The following MMP16 variants were observed in gnomAD, a reference collection of about 807,000 sequenced individuals.
MMP16 encodes the protein matrix metallopeptidase 16, also known as matrix metalloproteinase-16.
In MMP16, 12 loss-of-function variants were observed where a neutral mutation model predicts 67.8. That is an observed-to-expected ratio of 0.18 (90% confidence interval 0.11 to 0.29). The LOEUF is 0.29. MMP16 is among the 10% of genes least tolerant of loss of function. The pLI is 1.00. For missense variants in MMP16, 475 were observed against 765.7 expected (o/e 0.62, Z 4.48); for synonymous variants, 249 against 255.9 (o/e 0.97, Z 0.26).
At chr8:88,132,209 G>A (rs1174673037) in intron 4 of MMP16, among the ~76,000 whole-genome samples, 5 of 151,662 alleles carry the variant, frequency 3.3e-5, no homozygotes, top group South Asian at 2.1e-4. Flanking sequence ...GTGTATATAC[G>A]TAAGAATAAA....
chr8:88,224,907 T>C (rs1218908278), intron 1 of MMP16, among the ~76,000 whole-genome samples: 2 of 151,978 alleles, frequency 1.3e-5, no homozygotes, highest in African/African-American at 2.4e-5. Flanking sequence ...TATGTATTTT[T>C]TCCGGAATAC....
Position 88,063,380 on chromosome 8 carries a change from TG to T in MMP16, c.1223-7103del, listed in dbSNP as rs1168214690. 2.0e-5 allele frequency among the ~76,000 whole-genome samples: 3 copies of T among 151,900 alleles called. No homozygotes were observed. In the East Asian group the frequency reaches 5.8e-4, roughly 29 times the overall value. On this transcript the variant is annotated intron_variant, in intron 7 of 9. Transcript: ENST00000286614. ...GCAACACAAAAAGTTCCTGTCTTTG[TG>T]GAACAGACTAGCAGAGAAAATAGAC...
intron 1 of MMP16, among the ~76,000 whole-genome samples, chr8:88,228,535 A>T (rs578219585): frequency 1.3e-5 from 2 of 152,256 alleles, no homozygotes; most frequent in African/African-American, 4.8e-5. Context: ...ATAGGACTTG[A>T]AGTACATTTA....
At chr8:88,067,574 C>A (rs1012018561) in intron 7 of MMP16, among the ~76,000 whole-genome samples, 1 of 152,070 alleles carries the variant, frequency 6.6e-6, no homozygotes, top group Non-Finnish European at 1.5e-5. Context: ...TTTCTTCACA[C>A]CCAACTCTTG....
chr8:88,183,972 C>T (rs1458836449), intron 3 of MMP16, among the ~76,000 whole-genome samples: 1 of 151,760 alleles, frequency 6.6e-6, no homozygotes, highest in African/African-American at 2.4e-5. Context: ...TCTCAAACTC[C>T]GGAGCTCAAG....
intron 6 of MMP16, among the ~76,000 whole-genome samples, chr8:88,088,441 T>G (rs1356803394): frequency 6.6e-6 from 1 of 151,930 alleles, no homozygotes; most frequent in African/African-American, 2.4e-5. Context: ...AAATTAAGTG[T>G]TTGACTTAAT....
At position 88,039,014 on chromosome 8, in the gene MMP16, C is replaced by A. The variant is rs1265181779; in HGVS notation, c.*2447G>T. ...CACCCACAATTATAAAATATTTTCC[C>A]CAACCAAATCATAAACATGTAGTTT... On this transcript the variant is annotated 3_prime_UTR_variant, in exon 10 of 10. Coordinates refer to ENST00000286614, the MANE Select transcript of MMP16 (RefSeq NM_005941.5). The surrounding 1 kb of genome is among the most constrained non-coding windows in gnomAD (Gnocchi z 4.5). The A allele has an allele frequency of 1.3e-5, 2 of 152,458 alleles. No homozygotes were observed. The highest frequency in any genetic ancestry group is 2.9e-5 in the Non-Finnish European group (2 of 67,990). The allele number at this position is 152,458 out of a possible 1,614,324, so 9.4% of individuals were successfully genotyped here.
At chr8:88,177,981 T>C (rs1290762944) in intron 3 of MMP16, among the ~76,000 whole-genome samples, 3 of 151,672 alleles carry the variant, frequency 2.0e-5, no homozygotes, top group Non-Finnish European at 2.9e-5. Context: ...GAGGAATTTC[T>C]AGAGATATTT....
chr8:88,103,900 G>T (rs556819577), intron 6 of MMP16, among the ~76,000 whole-genome samples: 1 of 151,858 alleles, frequency 6.6e-6, no homozygotes, highest in Non-Finnish European at 1.5e-5. Context: ...TGAGATTAAT[G>T]CACAGTGGGC....
At chr8:88,320,085 T>C (rs371367456) in intron 1 of MMP16, among the ~76,000 whole-genome samples, 2 of 152,176 alleles carry the variant, frequency 1.3e-5, no homozygotes, top group Non-Finnish European at 2.9e-5. Flanking sequence ...CAAATAATAA[T>C]CTGCTCAACT....
chr8:88,059,698 T>G (rs893774001), intron 7 of MMP16, among the ~76,000 whole-genome samples: 5 of 151,954 alleles, frequency 3.3e-5, no homozygotes, highest in African/African-American at 1.2e-4. Context: ...CTAAAGGTAA[T>G]ACTATCACTG....
At position 88,129,093 on chromosome 8, in the gene MMP16, T is replaced by C. The variant is rs1005158325; in HGVS notation, c.710-10232A>G. ...GTATTGAGTTACTAGAGTAGGTGTG[T>C]ATGGCCCTCAGAGTAAACCCATGTA... On this transcript the variant is annotated intron_variant, in intron 4 of 9. Coordinates refer to ENST00000286614, the MANE Select transcript of MMP16 (RefSeq NM_005941.5). Among the ~76,000 whole-genome samples the C allele has an allele frequency of 1.1e-4, 16 of 151,878 alleles. No individual in the cohort carries two copies. In the South Asian group the frequency reaches 3.1e-3, roughly 30 times the overall value.
At chr8:88,129,456 T>G (rs1263259822) in intron 4 of MMP16, among the ~76,000 whole-genome samples, 3 of 151,616 alleles carry the variant, frequency 2.0e-5, no homozygotes, top group Admixed American at 2.0e-4. Context: ...CATTAATACA[T>G]AAACAACAGC....
chr8:88,248,754 G>A (rs1234296713), intron 1 of MMP16, among the ~76,000 whole-genome samples: 1 of 149,390 alleles, frequency 6.7e-6, no homozygotes, highest in Non-Finnish European at 1.5e-5. Context: ...AGAGGCTGGT[G>A]AGAAGAATCT....
At chr8:88,293,345 A>G (rs1262396478) in intron 1 of MMP16, among the ~76,000 whole-genome samples, 1 of 152,078 alleles carries the variant, frequency 6.6e-6, no homozygotes, top group African/African-American at 2.4e-5. Flanking sequence ...TTTAAGAGAC[A>G]ATGCTAAAAG....
intron 7 of MMP16, among the ~76,000 whole-genome samples, chr8:88,060,683 T>C (rs1051523137): frequency 6.6e-6 from 1 of 152,078 alleles, no homozygotes; most frequent in African/African-American, 2.4e-5. Flanking sequence ...TCTTATTACT[T>C]AGTACATTGT....
rs1240271545 is a variant in MMP16 at position 88,147,984 on chromosome 8, T to C, written c.709+19685A>G. On this transcript the variant is annotated intron_variant, in intron 4 of 9. Transcript: ENST00000286614. ...ATCATTTTGTACTATTTTCCGTATC[T>C]CCTAACCTTTCACATTTCCTATCTT... Among the ~76,000 whole-genome samples the C allele has an allele frequency of 3.9e-5, 6 of 152,302 alleles. No homozygotes were observed. The East Asian group carries it at 1.2e-3, about 29-fold the overall frequency.
chr8:88,036,712 G>T lies in MMP16; in HGVS notation c.*4749C>A, dbSNP rs1586115409. On this transcript the variant is annotated 3_prime_UTR_variant, in exon 10 of 10. Transcript: ENST00000286614. The stretch of plus-strand genomic sequence containing the variant: ...ACACATTTTGTGATATTACATATTG[G>T]CTGAGATTGCTGTAATAGGTCATCT... The T allele has an allele frequency of 6.6e-6, 1 of 151,662 alleles. No homozygotes were observed. The highest frequency in any genetic ancestry group is 1.9e-4 in the East Asian group (1 of 5,154). The allele number at this position is 151,662 out of a possible 1,614,324, so 9.4% of individuals were successfully genotyped here. A position where few individuals can be genotyped will look rare whatever the true frequency, so the allele number is the denominator to read the frequency against.
chr8:88,033,824 ATC>A lies in MMP16; in HGVS notation c.*7635_*7636del, dbSNP rs1808017088. The A allele has an allele frequency of 6.6e-6, 1 of 152,022 alleles. No individual in the cohort carries two copies. The highest frequency in any genetic ancestry group is 6.6e-5 in the Admixed American group (1 of 15,226). 9.4% of individuals were successfully genotyped at this position (152,022 alleles called of 1,614,324 possible). ...GTAACACCCCTAATTCTTTGATTCT[ATC>A]TCTCTTTCTAATATATATGTAATTT... On this transcript the variant is annotated 3_prime_UTR_variant, in exon 10 of 10. Coordinates refer to ENST00000286614, the MANE Select transcript of MMP16 (RefSeq NM_005941.5).
Sources: gnomAD v4.1 joint callset for allele counts (sites outside exome capture counted in the v4.1 genomes callset) on GRCh38, gnomAD v4.1.1 for gene constraint, Gnocchi (gnomAD v3.1) non-coding constraint, MANE v1.5 for transcripts, NCBI Gene and HGNC (gene_info 2026-07-23, HGNC 2026-07-21) for gene names.